The following CALN1 variants were observed in gnomAD, a reference collection of about 807,000 sequenced individuals.
CALN1 encodes the protein calneuron 1.
A neutral mutation model predicts 30.6 loss-of-function variants in CALN1; 17 were observed. The ratio of observed to expected loss-of-function variants is 0.56; its 90% CI spans 0.38 to 0.83. The LOEUF is 0.83. Ranked by LOEUF, CALN1 falls within the 40% of genes least tolerant of loss-of-function variation. The pLI is 0.00. For synonymous variants in CALN1, 156 were observed against 131.4 expected (o/e 1.19, Z -1.28); for missense variants, 291 against 354.9 (o/e 0.82, Z 1.45).
intron 5 of CALN1, among the ~76,000 whole-genome samples, chr7:71,916,970 G>A (rs1431837772): frequency 6.6e-6 from 1 of 152,180 alleles, no homozygotes; most frequent in African/African-American, 2.4e-5. Context: ...ATTCCACAGG[G>A]AGTTAGGAAC....
chr7:72,128,644 G>A lies in CALN1; in HGVS notation c.245-22350C>T, dbSNP rs530797459. On this transcript the variant is annotated intron_variant, in intron 3 of 6. Transcript: ENST00000395275. ...CCAGCACTTTGAAAGGCTGAGGTGG[G>A]CGGATCACCTGAGGTCAGGAGTTCG... 5.9e-5 allele frequency among the ~76,000 whole-genome samples: 9 copies of A among 152,302 alleles called. No homozygotes were observed. In the South Asian group the frequency reaches 1.9e-3, roughly 32 times the overall value.
intron 2 of CALN1, among the ~76,000 whole-genome samples, chr7:72,390,638 G>A (rs1805520845): frequency 6.6e-6 from 1 of 152,074 alleles, no homozygotes; most frequent in South Asian, 2.1e-4. Context: ...AAGGCACCGT[G>A]GAATTAGCAA....
At chr7:71,788,055 AT>A (rs1339548007) in intron 6 of CALN1, among the ~76,000 whole-genome samples, 153 bp from the exon 7 acceptor site, 4 of 152,188 alleles carry the variant, frequency 2.6e-5, no homozygotes, top group Admixed American at 2.0e-4. Context: ...GTTGACAGGC[AT>A]TTATGGGACC....
At chr7:71,798,059 GAC>G (rs1787034217) in intron 6 of CALN1, among the ~76,000 whole-genome samples, 2 of 148,802 alleles carry the variant, frequency 1.3e-5, no homozygotes, top group African/African-American at 2.5e-5. Context: ...AAGAGAGAGA[GAC>G]AGAGAGAGAG....
At chr7:71,979,869 CTTTTTTTTTTTT>C (rs555621436) in intron 5 of CALN1, among the ~76,000 whole-genome samples, 4 of 89,690 alleles carry the variant, frequency 4.5e-5, no homozygotes, top group Non-Finnish European at 6.6e-5. Context: ...CATCAGGATT[CTTTTTTTTTTTT>C]TTTTTTTTTT....
chr7:72,305,744 G>C (rs1319974168), intron 2 of CALN1, among the ~76,000 whole-genome samples: 1 of 152,178 alleles, frequency 6.6e-6, no homozygotes, highest in East Asian at 1.9e-4. Flanking sequence ...CAGACCGGGT[G>C]GCTTAAACAA....
At chr7:71,899,100 TTCTC>T (rs139995011) in intron 5 of CALN1, among the ~76,000 whole-genome samples, 15 of 150,100 alleles carry the variant, frequency 1.0e-4, no homozygotes, top group African/African-American at 2.9e-4. Flanking sequence ...AATACACAAC[TTCTC>T]TCTCTCTCTC....
At chr7:72,468,206 G>GTTTC in the CALN1 span, among the ~76,000 whole-genome samples, 472 of 152,284 alleles carry the variant, frequency 3.1e-3, 2 homozygotes, top group African/African-American at 0.011. Flanking sequence ...TGCTACAAAT[G>GTTTC]TTTCTGTACA....
Position 72,137,439 on chromosome 7 carries a change from C to G in CALN1, c.245-31145G>C, listed in dbSNP as rs535675311. 5.3e-5 allele frequency among the ~76,000 whole-genome samples: 8 copies of G among 152,174 alleles called. No homozygotes were observed. In the South Asian group the frequency reaches 1.7e-3, roughly 32 times the overall value. ...AGATTGAAATATTTGTTGGAATCAC[C>G]AAAATGTGACCCAGAGGCACGAAGT... On this transcript the variant is annotated intron_variant, in intron 3 of 6. Transcript: ENST00000395275.
intron 3 of CALN1, among the ~76,000 whole-genome samples, chr7:72,121,930 T>A (rs1336359234): frequency 1.3e-5 from 2 of 148,584 alleles, no homozygotes; most frequent in African/African-American, 4.9e-5. Flanking sequence ...ATATTACATG[T>A]AATATATAAT....
intron 2 of CALN1, among the ~76,000 whole-genome samples, chr7:72,394,557 A>T (rs574406375): frequency 1.3e-5 from 2 of 152,306 alleles, no homozygotes; most frequent in East Asian, 3.9e-4. Context: ...GTGAAAAAAA[A>T]GTTGCATAGC....
intron 3 of CALN1, among the ~76,000 whole-genome samples, chr7:72,142,895 C>A (rs772261707): frequency 1.3e-5 from 2 of 152,220 alleles, no homozygotes; most frequent in African/African-American, 4.8e-5. Context: ...CAAACTCCAA[C>A]TGACCTGCAG....
intron 2 of CALN1, among the ~76,000 whole-genome samples, chr7:72,335,837 G>A: frequency 6.6e-6 from 1 of 152,148 alleles, no homozygotes; most frequent in East Asian, 1.9e-4. Flanking sequence ...TGTACCCCCA[G>A]CCCGTCTGGA....
chr7:72,386,340 G>C (rs1040792698), intron 2 of CALN1, among the ~76,000 whole-genome samples: 14 of 152,160 alleles, frequency 9.2e-5, no homozygotes, highest in African/African-American at 3.4e-4. Context: ...CTCACTGAAG[G>C]GGTTCGGAGA....
rs1027586730 is a variant in CALN1 at position 72,010,632 on chromosome 7, T to C, written c.501+13025A>G. ...TTCAAGACCAGCCTGACCAATATGG[T>C]GAAACTCCATCTCTACTAAAAATAC... On this transcript the variant is annotated intron_variant, in intron 5 of 6. Transcript: ENST00000395275. Among the ~76,000 whole-genome samples, 9 of 149,144 alleles carry C rather than the reference T, an allele frequency of 6.0e-5. No individual in the cohort carries two copies. The East Asian group carries it at 1.8e-3, about 30-fold the overall frequency.
chr7:71,788,814 T>G (rs1185183797), intron 6 of CALN1, among the ~76,000 whole-genome samples: 1 of 151,958 alleles, frequency 6.6e-6, no homozygotes, highest in South Asian at 2.1e-4. Flanking sequence ...CCCGCCACCA[T>G]GCCCGGCTAA....
In CALN1 at chr7:72,327,446, G is replaced by A. The variant is rs147989959; in HGVS notation, c.120-48636C>T. ...GGAGGTTGCAGTGAGCTGAGATCAC[G>A]GCACTGCACTCCAGCCTGGGCAACA... is the stretch of plus-strand genomic sequence containing the variant. On this transcript the variant is annotated intron_variant, in intron 2 of 6. Transcript: ENST00000395275. 6.9e-3 allele frequency among the ~76,000 whole-genome samples: 1,052 copies of A among 152,296 alleles called. 15 individuals carry two copies. Among genetic ancestry groups the A allele is most frequent in the African/African-American group, 0.024 (1,009 of 41,556 alleles).
chr7:72,083,186 C>T (rs1400667114), intron 4 of CALN1, among the ~76,000 whole-genome samples: 2 of 151,754 alleles, frequency 1.3e-5, no homozygotes, highest in African/African-American at 2.4e-5. Flanking sequence ...GAGAAACAGA[C>T]AGAGACTCTG....
intron 5 of CALN1, among the ~76,000 whole-genome samples, chr7:71,865,626 G>A (rs1048763166): frequency 1.3e-5 from 2 of 152,166 alleles, no homozygotes; most frequent in Non-Finnish European, 1.5e-5. Flanking sequence ...ACATTAAAAC[G>A]TAGTTTTGTC....
Sources: gnomAD v4.1 joint callset for allele counts (sites outside exome capture counted in the v4.1 genomes callset) on GRCh38, gnomAD v4.1.1 for gene constraint, MANE v1.5 for transcripts, NCBI Gene and HGNC (gene_info 2026-07-23, HGNC 2026-07-21) for gene names.